Variants in SYT7 observed in about 807,000 individuals in gnomAD.
SYT7 encodes the protein synaptotagmin-7.
In SYT7, 29 loss-of-function variants were observed where a neutral mutation model predicts 75.1. The ratio of observed to expected loss-of-function variants is 0.39; its 90% CI spans 0.29 to 0.53. SYT7 has a LOEUF of 0.53. Ranked by LOEUF, SYT7 falls within the 20% of genes least tolerant of loss-of-function variation. SYT7 has a pLI of 0.77. For synonymous variants in SYT7, 376 were observed against 401.7 expected, an observed-to-expected ratio of 0.94 and a Z score of 0.76; for missense variants, 693 against 953.2, an observed-to-expected ratio of 0.73 and a Z score of 3.59.
intron 1 of SYT7, among the ~76,000 whole-genome samples, chr11:61,578,621 A>G (rs1209756129): frequency 6.6e-6 from 1 of 152,070 alleles, no homozygotes; most frequent in Non-Finnish European, 1.5e-5. Flanking sequence ...GGGAAGGGAA[A>G]TCTGACCTGG....
upstream of SYT7, among the ~76,000 whole-genome samples, chr11:61,585,583 G>A (rs1337495437): frequency 6.6e-6 from 1 of 152,166 alleles, no homozygotes; most frequent in Non-Finnish European, 1.5e-5. Flanking sequence ...AAAGTTAACA[G>A]ATATCTCCAC....
At chr11:61,552,256 A>T (rs749633422) in intron 2 of SYT7, among the ~76,000 whole-genome samples, 5 of 151,944 alleles carry the variant, frequency 3.3e-5, no homozygotes, top group Non-Finnish European at 7.4e-5. Context: ...TGGGTTTCTA[A>T]ATTTAGCTCA....
chr11:61,515,363 A>C lies in SYT7; in HGVS notation c.*3264T>G, dbSNP rs1026438368. 1.3e-5 allele frequency: 2 copies of C among 152,208 alleles called. No homozygotes were observed. The highest frequency in any genetic ancestry group is 4.8e-5 in the African/African-American group (2 of 41,456). The allele number at this position is 152,208 out of a possible 1,614,324, so 9.4% of individuals were successfully genotyped here. A position where few individuals can be genotyped will look rare whatever the true frequency, so the allele number is the denominator to read the frequency against. On this transcript the variant is annotated 3_prime_UTR_variant, in exon 13 of 13. Transcript: ENST00000539008. ...CAGAACAGGCCTTGCCACAAAAAGC[A>C]GGGCCCATTCCCACAAAAATATGAT...
intron 12 of SYT7, among the ~76,000 whole-genome samples, chr11:61,519,611 G>A (rs567908972): frequency 2.0e-5 from 3 of 152,236 alleles, no homozygotes; most frequent in South Asian, 2.1e-4. Flanking sequence ...GGACATTAAC[G>A]GAAAGACTGG....
intron 6 of SYT7, among the ~76,000 whole-genome samples, chr11:61,539,165 T>C (rs114113904): frequency 0.026 from 3,940 of 152,276 alleles, 157 homozygotes; most frequent in African/African-American, 0.089. Context: ...TTGGCAGGAC[T>C]GCAGGGAGCC....
intron 5 of SYT7, among the ~76,000 whole-genome samples, chr11:61,545,176 G>A (rs1477521216): frequency 6.6e-6 from 1 of 152,216 alleles, no homozygotes; most frequent in South Asian, 2.1e-4. Context: ...CCATGAGAGG[G>A]GATATACTGT....
In SYT7 at chr11:61,560,336, AG is replaced by A. The variant is rs1250147203; in HGVS notation, c.32-4130del. Reference sequence around the variant, plus strand: ...GAGCAGATAAGGCTGTGATCCCTCAAGCCCTCTTCAGCCACAGTAGCACTGT... The same window carrying A: ...GAGCAGATAAGGCTGTGATCCCTCAACCCTCTTCAGCCACAGTAGCACTGT... On this transcript the variant is annotated intron_variant, in intron 1 of 12. Coordinates refer to ENST00000539008, the MANE Select transcript of SYT7 (RefSeq NM_001365809.2). 3.9e-5 allele frequency among the ~76,000 whole-genome samples: 6 copies of A among 152,310 alleles called. No individual in the cohort carries two copies. The South Asian group carries it at 1.0e-3, about 26-fold the overall frequency.
intron 7 of SYT7, among the ~76,000 whole-genome samples, chr11:61,534,346 A>T (rs2062800071): frequency 6.6e-6 from 1 of 152,210 alleles, no homozygotes; most frequent in Non-Finnish European, 1.5e-5. Flanking sequence ...AGACATCAGG[A>T]TCCCAAAGCA....
Position 61,517,547 on chromosome 11 carries a change from G to A in SYT7, c.*1080C>T, listed in dbSNP as rs975426429. On this transcript the variant is annotated 3_prime_UTR_variant, in exon 13 of 13. Transcript: ENST00000539008. ...TGGAGGGGTGGAGGAAAGAAGGGTG[G>A]AGGTCTGCACAGGCAGGGAGAGATG... 3.0e-5 allele frequency: 12 copies of A among 399,558 alleles called. No individual in the cohort carries two copies. The highest frequency in any genetic ancestry group is 4.9e-5 in the Non-Finnish European group (11 of 226,734). 24.8% of individuals were successfully genotyped at this position (399,558 alleles called of 1,614,324 possible). A position where few individuals can be genotyped will look rare whatever the true frequency, so the allele number is the denominator to read the frequency against.
At chr11:61,541,374 A>C in intron 6 of SYT7, 1 of 837,270 alleles carries the variant, frequency 1.2e-6, no homozygotes, top group Non-Finnish European at 1.4e-6. Context: ...TTAGGCTCTG[A>C]GAGTGGGGGG....
chr11:61,572,116 T>TGG (rs79273038), intron 1 of SYT7, among the ~76,000 whole-genome samples: 33 of 146,256 alleles, frequency 2.3e-4, no homozygotes, highest in Admixed American at 6.8e-4. Context: ...GGAATGAGGT[T>TGG]GGGGGGGGGG....
At chr11:61,529,421 G>A (rs2062632725) in intron 8 of SYT7, among the ~76,000 whole-genome samples, 1 of 152,190 alleles carries the variant, frequency 6.6e-6, no homozygotes, top group Admixed American at 6.5e-5. Flanking sequence ...AGCCAGGCGA[G>A]GCAGGTGTCA....
rs1031407029 is a variant in SYT7 at position 61,556,048 on chromosome 11, G to T, written c.135+56C>A. On this transcript the variant is annotated intron_variant, in intron 2 of 12. Coordinates refer to ENST00000539008, the MANE Select transcript of SYT7 (RefSeq NM_001365809.2). ...TGTAATTGTGTGTGTGTGTGGGGAG[G>T]GGGGGCAGTGTGCAGGGCTAGGCAC... 13 of 1,444,922 alleles carry T rather than the reference G, an allele frequency of 9.0e-6. No homozygotes were observed. The African/African-American group carries it at 1.1e-4, about 12-fold the overall frequency. The allele number at this position is 1,444,922 out of a possible 1,614,324, so 89.5% of individuals were successfully genotyped here. A position where few individuals can be genotyped will look rare whatever the true frequency, so the allele number is the denominator to read the frequency against.
chr11:61,542,338 C>A lies in SYT7; in HGVS notation c.814G>T (p.Ala272Ser). Residue 272 changes from alanine to serine, a missense_variant, in exon 6 of 13, where the codon GCT (alanine) becomes TCT (serine). Transcript: ENST00000539008. This position sits in a 1 kb window ranked among gnomAD's most constrained non-coding sequence, Gnocchi z 7.8. ...GAGCCGGCCGAGGTGCCCTGCCGAG[C>A]CTGGCCCCGGCCATAGGCCCGGGGG... ...PNPRAYGRGQARQGTSAGSKY... is the reference protein window; with the variant it reads ...PNPRAYGRGQSRQGTSAGSKY... 1 of 1,531,082 alleles carries A rather than the reference C, an allele frequency of 6.5e-7. No individual in the cohort carries two copies. 94.8% of individuals were successfully genotyped at this position (1,531,082 alleles called of 1,614,324 possible).
chr11:61,541,252 A>G (rs2063033796), intron 6 of SYT7: 5 of 985,296 alleles, frequency 5.1e-6, no homozygotes, highest in African/African-American at 1.7e-5. Flanking sequence ...GCTCCGTGAA[A>G]AGTGCTCCCA....
At chr11:61,577,602 T>C (rs185638096) in intron 1 of SYT7, among the ~76,000 whole-genome samples, 6 of 152,272 alleles carry the variant, frequency 3.9e-5, no homozygotes, top group African/African-American at 9.6e-5. Context: ...GCCTGGACAA[T>C]CTAGTGGATC....
chr11:61,581,061 T>G lies in SYT7; in HGVS notation c.-241A>C, dbSNP rs2135480632. 1 of 551,262 alleles carries G rather than the reference T, an allele frequency of 1.8e-6. No individual in the cohort carries two copies. The highest frequency in any genetic ancestry group is 2.3e-6 in the Non-Finnish European group (1 of 438,778). The allele number at this position is 551,262 out of a possible 1,614,324, so 34.1% of individuals were successfully genotyped here. A position where few individuals can be genotyped will look rare whatever the true frequency, so the allele number is the denominator to read the frequency against. On this transcript the variant is annotated 5_prime_UTR_variant, in exon 1 of 13. Coordinates refer to ENST00000539008, the MANE Select transcript of SYT7 (RefSeq NM_001365809.2). ...AGCGCCGAGCCGCCTCCCTCCGGCC[T>G]GCGCGCCGCGTGTGCGCGCCGGAGC...
At chr11:61,579,506 C>T (rs192098688) in intron 1 of SYT7, among the ~76,000 whole-genome samples, 1 of 152,168 alleles carries the variant, frequency 6.6e-6, no homozygotes, top group East Asian at 1.9e-4. Flanking sequence ...GGGTCGTCCT[C>T]AATATCGACT....
intron 6 of SYT7, among the ~76,000 whole-genome samples, chr11:61,538,994 G>A (rs2062964219): frequency 6.6e-6 from 1 of 152,222 alleles, no homozygotes; most frequent in African/African-American, 2.4e-5. Context: ...TGGCAACTCG[G>A]CCATAGTGGC....
Sources: gnomAD v4.1 joint callset for allele counts (sites outside exome capture counted in the v4.1 genomes callset) on GRCh38, gnomAD v4.1.1 for gene constraint, Gnocchi (gnomAD v3.1) non-coding constraint, MANE v1.5 for transcripts, NCBI Gene and HGNC (gene_info 2026-07-23, HGNC 2026-07-21) for gene names.